The following STK31 variants were observed in gnomAD, a reference collection of about 807,000 sequenced individuals.
The protein encoded by STK31 is serine/threonine kinase 31.
A neutral mutation model predicts 129.7 loss-of-function variants in STK31; 89 were observed. That is an observed-to-expected ratio of 0.69 (90% confidence interval 0.58 to 0.82). The LOEUF (loss-of-function observed/expected upper bound fraction) is 0.82, where lower values mean the gene tolerates loss of function less well. Ranked by LOEUF, STK31 falls within the 40% of genes least tolerant of loss-of-function variation. The probability of loss-of-function intolerance (pLI) is 0.00; values close to 1 mark genes in which losing one functional copy is unlikely to be tolerated. For synonymous variants in STK31, 448 were observed against 395.3 expected, an observed-to-expected ratio of 1.13 and a Z score of -1.58; for missense variants, 1,187 against 1,176.4, an observed-to-expected ratio of 1.01 and a Z score of -0.13.
Position 23,775,502 on chromosome 7 carries a change from C to T in STK31, c.1965+3224C>T, listed in dbSNP as rs565412770. Among the ~76,000 whole-genome samples the T allele has an allele frequency of 3.3e-5, 5 of 152,226 alleles. No individual in the cohort carries two copies. In the South Asian group the frequency reaches 6.2e-4, roughly 19 times the overall value. On this transcript the variant is annotated intron_variant, in intron 15 of 23. Transcript: ENST00000355870. ...CATTTGTTTGTGTCCTCTCTTATTT[C>T]GTTGAGCAGTGGTTTGTAGTTCTCC...
chr7:23,768,723 G>A (rs985067612), intron 11 of STK31, among the ~76,000 whole-genome samples: 1 of 152,130 alleles, frequency 6.6e-6, no homozygotes, highest in Admixed American at 6.5e-5. Flanking sequence ...AGGGAAAACA[G>A]GGTAATGTCT....
chr7:23,788,275 C>A, intron 21 of STK31, 146 bp downstream of exon 21: 3 of 656,366 alleles, frequency 4.6e-6, no homozygotes, highest in South Asian at 5.8e-5. Context: ...CAACTATTTG[C>A]CCTCAGCTAG....
chr7:23,785,342 G>T, intron 17 of STK31, 136 bp from the exon 18 acceptor site: 2 of 1,247,092 alleles, frequency 1.6e-6, no homozygotes, highest in Non-Finnish European at 2.2e-6. Flanking sequence ...CAGTTTTAAA[G>T]ATTTTAATTT....
At position 23,716,229 on chromosome 7, in the gene STK31, TC is replaced by T. The variant is rs1055287758; in HGVS notation, c.151-1251del. ...TGAATATTAGTTATTTTGTAGAGTATCTTTTAATTTGGGTTTGTTTGATGAT... is the reference window on the plus strand; with the variant it reads ...TGAATATTAGTTATTTTGTAGAGTATTTTTAATTTGGGTTTGTTTGATGAT... On this transcript the variant is annotated intron_variant, in intron 3 of 23. Transcript: ENST00000355870. 5.6e-3 allele frequency among the ~76,000 whole-genome samples: 848 copies of T among 152,268 alleles called. 13 individuals carry two copies. Among genetic ancestry groups the T allele is most frequent in the African/African-American group, 0.019 (792 of 41,536 alleles).
Position 23,770,333 on chromosome 7 carries a change from G to GT in STK31, c.1713+583dup, listed in dbSNP as rs796423254. Among the ~76,000 whole-genome samples the GT allele has an allele frequency of 2.5e-3, 378 of 151,974 alleles. 2 individuals carry two copies. The highest frequency in any genetic ancestry group is 8.8e-3 in the African/African-American group (365 of 41,482). ...AGTGGTTAGGCTTCTCATTTTACTT[G>GT]TTTTTTCTTTTTTTTACTTTTTATA... On this transcript the variant is annotated intron_variant, in intron 13 of 23. Transcript: ENST00000355870.
In STK31 at chr7:23,816,935, C is replaced by T. The variant is rs554102840; in HGVS notation, c.2829+1723C>T. On this transcript the variant is annotated intron_variant, in intron 23 of 23. Transcript: ENST00000355870. The stretch of plus-strand genomic sequence containing the variant: ...GCATGGTGGCTCACGCCTGTAATCC[C>T]AGCACTTTGGGAGGCCGAGGTGGGC... Among the ~76,000 whole-genome samples, 371 of 152,210 alleles carry T rather than the reference C, an allele frequency of 2.4e-3. 2 individuals are homozygous for T. Among genetic ancestry groups the T allele is most frequent in the African/African-American group, 8.6e-3 (358 of 41,552 alleles).
chr7:23,776,709 A>T (rs1790570264), intron 15 of STK31, among the ~76,000 whole-genome samples: 1 of 150,728 alleles, frequency 6.6e-6, no homozygotes, highest in Non-Finnish European at 1.5e-5. Flanking sequence ...TGTCTATTTG[A>T]TTCTTCTTTA....
At chr7:23,785,849 TG>T (rs1250270131) in intron 18 of STK31, among the ~76,000 whole-genome samples, 1 of 44,222 alleles carries the variant, frequency 2.3e-5, no homozygotes, top group Non-Finnish European at 4.6e-5. Context: ...TGTCATGGGG[TG>T]GGGGGCAGGG....
chr7:23,717,715 T>C (rs1786436162), intron 4 of STK31, 136 bp downstream of exon 4: 6 of 640,140 alleles, frequency 9.4e-6, no homozygotes, highest in Middle Eastern at 2.7e-4. Context: ...ACTACTGTTA[T>C]GGTATATTTA....
At chr7:23,792,500 T>A (rs116031794) in intron 22 of STK31, among the ~76,000 whole-genome samples, 540 of 152,300 alleles carry the variant, frequency 3.5e-3, no homozygotes, top group African/African-American at 0.013. Flanking sequence ...ACCATGCTCA[T>A]GGACTAGAAG....
chr7:23,787,947 TTCC>T lies in STK31; in HGVS notation c.2488-30_2488-28del, dbSNP rs748393173. 2.0e-6 allele frequency: 3 copies of T among 1,478,556 alleles called. No homozygotes were observed. The East Asian group carries it at 7.3e-5, about 36-fold the overall frequency. The allele number at this position is 1,478,556 out of a possible 1,614,324, so 91.6% of individuals were successfully genotyped here. A position where few individuals can be genotyped will look rare whatever the true frequency, so the allele number is the denominator to read the frequency against. On this transcript the variant is annotated intron_variant, in intron 20 of 23. Transcript: ENST00000355870. Reference sequence around the variant, plus strand: ...TTCAAGATTAAAATGATTTGCCTACTTCCTCACTTCTTTTATGTGTACTTATCT... The same window carrying T: ...TTCAAGATTAAAATGATTTGCCTACTTCACTTCTTTTATGTGTACTTATCT...
Position 23,717,543 on chromosome 7 carries a change from G to T in STK31, c.213G>T (p.Gln71His), listed in dbSNP as rs6945306. 3 of 1,612,324 alleles carry T rather than the reference G, an allele frequency of 1.9e-6. No individual in the cohort carries two copies. Among genetic ancestry groups the T allele is most frequent in the Non-Finnish European group, 2.5e-6 (3 of 1,179,060 alleles). The change falls in exon 4 of 24, where the codon CAG becomes CAT. Residue 71 changes from glutamine (Q) to histidine (H), a missense_variant. Coordinates refer to ENST00000355870, the MANE Select transcript of STK31 (RefSeq NM_031414.5). ...IGCSLSEVCP[Q>H]ASSVLGNLDP... Reference sequence around the variant, plus strand: ...GCTCACTGTCTGAAGTTTGCCCCCAGGCCAGTTCAGTTTTGGGGAATCTTG... The same window carrying T: ...GCTCACTGTCTGAAGTTTGCCCCCATGCCAGTTCAGTTTTGGGGAATCTTG...
At chr7:23,710,138 C>T (rs1251290376), upstream of STK31, 6 of 1,405,226 alleles carry the variant, frequency 4.3e-6, no homozygotes, top group East Asian at 2.4e-5. Flanking sequence ...TCCTAGGCGG[C>T]AGGCCGTGGC....
chr7:23,808,943 T>TTATGTGTGTGTGTGTGTGTGTGTG (rs71552258), intron 22 of STK31, among the ~76,000 whole-genome samples: 8,926 of 84,294 alleles, frequency 0.11, 505 homozygotes, highest in Admixed American at 0.16. Flanking sequence ...CTTGGAGCTT[T>TTATGTGTGTGTGTGTGTGTGTGTG]TGTGTGTGTG....
At chr7:23,721,030 C>A (rs1786658552) in intron 4 of STK31, among the ~76,000 whole-genome samples, 2 of 152,116 alleles carry the variant, frequency 1.3e-5, no homozygotes, top group African/African-American at 4.8e-5. Flanking sequence ...TGTAAGGAAT[C>A]AGAAAAGGAT....
chr7:23,744,660 A>G (rs1339456476), intron 8 of STK31, among the ~76,000 whole-genome samples: 1 of 152,108 alleles, frequency 6.6e-6, no homozygotes, highest in Non-Finnish European at 1.5e-5. Flanking sequence ...TTTGGCTTTA[A>G]TTCTGGGTTC....
chr7:23,783,152 G>T (rs933720572), intron 16 of STK31, among the ~76,000 whole-genome samples: 1 of 152,168 alleles, frequency 6.6e-6, no homozygotes, highest in Non-Finnish European at 1.5e-5. Flanking sequence ...TGGCAGCGAG[G>T]TACAGAAACA....
At chr7:23,768,225 A>T (rs1350680806) in intron 11 of STK31, among the ~76,000 whole-genome samples, 1 of 152,128 alleles carries the variant, frequency 6.6e-6, no homozygotes, top group East Asian at 1.9e-4. Context: ...AATTGCTTAC[A>T]TTATTCAGCA....
chr7:23,806,645 A>C (rs1792720539), intron 22 of STK31, among the ~76,000 whole-genome samples: 1 of 152,166 alleles, frequency 6.6e-6, no homozygotes, highest in Non-Finnish European at 1.5e-5. Flanking sequence ...TCACGCCAGT[A>C]ATCCCAGCAT....
Sources: gnomAD v4.1 joint callset for allele counts (sites outside exome capture counted in the v4.1 genomes callset) on GRCh38, gnomAD v4.1.1 for gene constraint, MANE v1.5 for transcripts, NCBI Gene and HGNC (gene_info 2026-07-23, HGNC 2026-07-21) for gene names.